Variants in ERC2 observed in about 807,000 individuals in gnomAD.
The protein encoded by ERC2 is ELKS/RAB6-interacting/CAST family member 2.
A neutral mutation model predicts 114.8 loss-of-function variants in ERC2; 42 were observed. The ratio of observed to expected loss-of-function variants is 0.37; its 90% CI spans 0.29 to 0.47. The LOEUF is 0.47. ERC2 is among the 20% of genes least tolerant of loss of function. The pLI, the probability that ERC2 is intolerant of heterozygous loss-of-function variation, is 0.99. For synonymous variants in ERC2, 454 were observed against 425.5 expected, an observed-to-expected ratio of 1.07 and a Z score of -0.82; for missense variants, 939 against 1,150.7, an observed-to-expected ratio of 0.82 and a Z score of 2.66.
At chr3:56,439,748 GT>G (rs955546908) in intron 1 of ERC2, among the ~76,000 whole-genome samples, 3 of 148,084 alleles carry the variant, frequency 2.0e-5, no homozygotes, top group East Asian at 2.0e-4. Context: ...TTCCTTTATG[GT>G]TTTTTTTTGC....
intron 3 of ERC2, among the ~76,000 whole-genome samples, chr3:56,217,039 T>C (rs541109736): frequency 9.2e-5 from 14 of 152,196 alleles, no homozygotes; most frequent in African/African-American, 3.4e-4. Context: ...AATATCATAC[T>C]GAAGGGGCAA....
intron 14 of ERC2, among the ~76,000 whole-genome samples, chr3:55,774,582 A>G (rs1165862821): frequency 6.6e-6 from 1 of 152,198 alleles, no homozygotes; most frequent in Non-Finnish European, 1.5e-5. Flanking sequence ...TTCATTCTGC[A>G]GGTTTGGCTT....
At chr3:55,977,277 G>C (rs1267851120) in intron 12 of ERC2, among the ~76,000 whole-genome samples, 8 of 152,286 alleles carry the variant, frequency 5.3e-5, no homozygotes, top group African/African-American at 1.9e-4. Flanking sequence ...ACATAAAAGA[G>C]ATGACTGAAT....
At chr3:56,437,646 C>T (rs1417422868) in intron 1 of ERC2, among the ~76,000 whole-genome samples, 1 of 152,148 alleles carries the variant, frequency 6.6e-6, no homozygotes, top group Non-Finnish European at 1.5e-5. Context: ...GTTTATGTTG[C>T]TCAGGGCTTA....
chr3:55,857,261 G>C (rs2061830148), intron 14 of ERC2, among the ~76,000 whole-genome samples: 1 of 152,158 alleles, frequency 6.6e-6, no homozygotes, highest in Non-Finnish European at 1.5e-5. Context: ...AGCTAATGTG[G>C]TCAGAAAGTG....
chr3:56,019,656 G>A (rs2073561970), intron 7 of ERC2, among the ~76,000 whole-genome samples: 1 of 152,142 alleles, frequency 6.6e-6, no homozygotes. Flanking sequence ...TGGCAACTAA[G>A]TCATGTGCTG....
chr3:56,122,986 G>C (rs2079663826), intron 6 of ERC2, among the ~76,000 whole-genome samples: 2 of 152,160 alleles, frequency 1.3e-5, no homozygotes, highest in South Asian at 4.2e-4. Flanking sequence ...AAAACACAAA[G>C]CATAGTTGAT....
intron 3 of ERC2, among the ~76,000 whole-genome samples, chr3:56,233,243 A>T (rs1337327898): frequency 6.6e-6 from 1 of 152,236 alleles, no homozygotes; most frequent in East Asian, 1.9e-4. Context: ...AACAGACTTC[A>T]TTTTGGTCAC....
At chr3:56,285,062 C>T in intron 3 of ERC2, among the ~76,000 whole-genome samples, 1 of 150,838 alleles carries the variant, frequency 6.6e-6, no homozygotes. Flanking sequence ...CACACACACA[C>T]ACACACTCTT....
intron 3 of ERC2, among the ~76,000 whole-genome samples, chr3:56,281,747 G>A (rs192148866): frequency 4.3e-4 from 65 of 152,278 alleles, no homozygotes; most frequent in African/African-American, 1.4e-3. Context: ...ACTTATTGAA[G>A]CCCTGTGAAT....
At chr3:55,607,207 C>G (rs571853691) in intron 17 of ERC2, among the ~76,000 whole-genome samples, 101 of 152,242 alleles carry the variant, frequency 6.6e-4, no homozygotes, top group African/African-American at 2.4e-3. Flanking sequence ...GGAGAAAGAC[C>G]AGACAGGCAG....
At chr3:55,630,314 C>T (rs1030179487) in intron 17 of ERC2, among the ~76,000 whole-genome samples, 1 of 152,100 alleles carries the variant, frequency 6.6e-6, no homozygotes, top group Admixed American at 6.5e-5. Flanking sequence ...GAATTACAGG[C>T]GTGCACCACC....
chr3:56,377,801 T>C (rs1266237342), intron 2 of ERC2, among the ~76,000 whole-genome samples: 1 of 151,828 alleles, frequency 6.6e-6, no homozygotes, highest in East Asian at 1.9e-4. Context: ...GAGAACCACT[T>C]GAGCCCAGTA....
chr3:55,878,283 A>G (rs2062958829), intron 14 of ERC2, among the ~76,000 whole-genome samples: 1 of 152,152 alleles, frequency 6.6e-6, no homozygotes. Context: ...TTTCTCTATT[A>G]AAACTATACA....
At chr3:55,729,192 C>G (rs2065096830) in intron 15 of ERC2, among the ~76,000 whole-genome samples, 1 of 152,186 alleles carries the variant, frequency 6.6e-6, no homozygotes, top group Non-Finnish European at 1.5e-5. Context: ...CTATTCCACC[C>G]ATTCCCACTC....
intron 17 of ERC2, among the ~76,000 whole-genome samples, chr3:55,646,675 T>C (rs534343754): frequency 3.3e-5 from 5 of 152,322 alleles, no homozygotes; most frequent in African/African-American, 1.2e-4. Context: ...TAAGGCTTTT[T>C]CCCCCAGTGG....
intron 7 of ERC2, among the ~76,000 whole-genome samples, chr3:56,031,509 G>T (rs1027320293): frequency 6.6e-6 from 1 of 152,198 alleles, no homozygotes; most frequent in African/African-American, 2.4e-5. Flanking sequence ...GCCTTTCCCT[G>T]CTGAAGCCAG....
intron 12 of ERC2, among the ~76,000 whole-genome samples, chr3:55,967,896 G>T (rs918331256): frequency 1.8e-4 from 27 of 152,032 alleles, no homozygotes; most frequent in Non-Finnish European, 8.8e-5. Context: ...TTTCACCATG[G>T]GCTGAAGCAG....
intron 2 of ERC2, among the ~76,000 whole-genome samples, chr3:56,325,422 G>C (rs968194794): frequency 7.9e-5 from 12 of 152,004 alleles, no homozygotes; most frequent in African/African-American, 2.9e-4. Context: ...CTCCAGCCTG[G>C]GCGACAGAGC....
Sources: allele counts gnomAD v4.1 joint callset (sites outside exome capture counted in the v4.1 genomes callset), GRCh38; gene constraint gnomAD v4.1.1; transcripts MANE v1.5; gene names NCBI Gene and HGNC (gene_info 2026-07-23, HGNC 2026-07-21).